The following CDCP1 variants were observed in gnomAD, a reference collection of about 807,000 sequenced individuals.
CDCP1 encodes CUB domain-containing protein 1.
Under a neutral mutation model 60.2 loss-of-function variants are expected in CDCP1, and 29 were observed. The observed-to-expected ratio is 0.48, with a 90% CI of 0.36 to 0.66. CDCP1 has a LOEUF of 0.66. Among genes scored for constraint, CDCP1 ranks in the 30% least tolerant of loss-of-function variants. CDCP1 has a pLI of 0.00. For synonymous variants in CDCP1, 387 were observed against 431.1 expected (o/e 0.90, Z 1.27); for missense variants, 876 against 1,074.3 (o/e 0.82, Z 2.58).
At chr3:45,124,382 A>G (rs778793983) in intron 1 of CDCP1, among the ~76,000 whole-genome samples, 3 of 152,066 alleles carry the variant, frequency 2.0e-5, no homozygotes, top group Non-Finnish European at 2.9e-5. Context: ...TGCCTGTGGG[A>G]CTCGGCTCTC....
At chr3:45,146,456 C>G (rs1176106846), upstream of CDCP1, 18 of 520,920 alleles carry the variant, frequency 3.5e-5, no homozygotes, top group South Asian at 4.7e-4. Flanking sequence ...CCCGGTGCGT[C>G]CCTCCTCTCT....
intron 1 of CDCP1, among the ~76,000 whole-genome samples, chr3:45,145,434 C>G (rs151280322): frequency 1.3e-5 from 2 of 152,356 alleles, no homozygotes; most frequent in African/African-American, 4.8e-5. Context: ...GCACAGGTCA[C>G]TGGGACGTGT....
intron 1 of CDCP1, among the ~76,000 whole-genome samples, chr3:45,132,825 C>T (rs569654938): frequency 1.2e-4 from 19 of 152,188 alleles, no homozygotes; most frequent in Admixed American, 3.9e-4. Context: ...CTCTGTGCCA[C>T]GGCACCCAGT....
chr3:45,124,823 G>C (rs1698949164), intron 1 of CDCP1, among the ~76,000 whole-genome samples: 1 of 152,186 alleles, frequency 6.6e-6, no homozygotes, highest in Non-Finnish European at 1.5e-5. Flanking sequence ...AGATTGGCAA[G>C]TTTATACCCT....
At chr3:45,109,591 G>C (rs551069794) in intron 4 of CDCP1, among the ~76,000 whole-genome samples, 19 of 152,198 alleles carry the variant, frequency 1.2e-4, no homozygotes, top group African/African-American at 4.6e-4. Context: ...GCCAGTCTGA[G>C]TTAATTTTGT....
chr3:45,124,033 G>A (rs1468659890), intron 1 of CDCP1, among the ~76,000 whole-genome samples: 11 of 152,248 alleles, frequency 7.2e-5, no homozygotes, highest in African/African-American at 2.6e-4. Context: ...CTCCTTATTA[G>A]GACACCTTTG....
intron 4 of CDCP1, 49 bp downstream of exon 4, chr3:45,110,424 C>G (rs536365732): frequency 6.3e-7 from 1 of 1,595,214 alleles, no homozygotes; most frequent in African/African-American, 1.3e-5. Flanking sequence ...ACCCAGGAAA[C>G]AACGAAGGTG....
chr3:45,120,268 GC>G (rs10718489), intron 1 of CDCP1, among the ~76,000 whole-genome samples: 28,519 of 151,994 alleles, frequency 0.19, 2,817 homozygotes, highest in Middle Eastern at 0.27. Context: ...CTTTTCTTGT[GC>G]CTCTCTCTCC....
intron 1 of CDCP1, among the ~76,000 whole-genome samples, chr3:45,129,576 C>T (rs1404759504): frequency 1.3e-5 from 2 of 152,092 alleles, no homozygotes; most frequent in Non-Finnish European, 2.9e-5. Flanking sequence ...GTGTGAGTCA[C>T]GAGGACCATG....
At position 45,091,198 on chromosome 3, in the gene CDCP1, C is replaced by T. The variant is rs112208705; in HGVS notation, c.1968G>A (p.Ser656=). The change falls in exon 7 of 9, where the codon TCG becomes TCA. Residue 656 remains serine, a synonymous_variant. Transcript: ENST00000296129. The surrounding 1 kb of genome is among the most constrained non-coding windows in gnomAD (Gnocchi z 4.8). ...CCACAGTCCTTGGGGTAAGTGTCAC[C>T]GAGAAGAGCAGGTCTAGCTGCTTGC... ...TSGKQLDLLF[S]VTLTPRTVDL... The T allele has an allele frequency of 4.3e-5, 69 of 1,613,452 alleles. No individual in the cohort carries two copies. The highest frequency in any genetic ancestry group is 4.1e-4 in the African/African-American group (31 of 74,980).
At chr3:45,122,997 G>A (rs1376849085) in intron 1 of CDCP1, among the ~76,000 whole-genome samples, 1 of 108,198 alleles carries the variant, frequency 9.2e-6, no homozygotes, top group Non-Finnish European at 2.1e-5. Flanking sequence ...ATGCTGAGAC[G>A]TAGGGATTTT....
intron 1 of CDCP1, among the ~76,000 whole-genome samples, chr3:45,137,313 T>C (rs1370661863): frequency 2.0e-5 from 3 of 152,170 alleles, no homozygotes; most frequent in Admixed American, 6.5e-5. Context: ...TTCCAGTCTC[T>C]AGCAACTAGG....
intron 4 of CDCP1, among the ~76,000 whole-genome samples, chr3:45,105,022 T>C (rs925226419): frequency 3.3e-5 from 5 of 152,234 alleles, no homozygotes; most frequent in African/African-American, 1.2e-4. Context: ...CACTCCAGCC[T>C]GGGCAACAAG....
Position 45,091,165 on chromosome 3 carries a change from G to A in CDCP1, c.1993+8C>T. Reference sequence around the variant, plus strand: ...ATCACTGTCCCCAAAGACCCTGAAGGCCCTTACCCACAGTCCTTGGGGTAA... The same window carrying A: ...ATCACTGTCCCCAAAGACCCTGAAGACCCTTACCCACAGTCCTTGGGGTAA... On this transcript the variant is annotated splice_region_variant and intron_variant, in intron 7 of 8. Transcript: ENST00000296129. This position sits in a 1 kb window ranked among gnomAD's most constrained non-coding sequence, Gnocchi z 4.8. 1 of 1,603,870 alleles carries A rather than the reference G, an allele frequency of 6.2e-7. No individual in the cohort carries two copies. Among genetic ancestry groups the A allele is most frequent in the Non-Finnish European group, 8.5e-7 (1 of 1,173,102 alleles).
chr3:45,109,762 T>C (rs537779430), intron 4 of CDCP1, among the ~76,000 whole-genome samples: 4 of 152,124 alleles, frequency 2.6e-5, no homozygotes, highest in Non-Finnish European at 5.9e-5. Flanking sequence ...TATTGCACCC[T>C]GGGCACTTTG....
At chr3:45,089,278 G>A in intron 7 of CDCP1, 137 bp from the exon 8 acceptor site, 1 of 666,528 alleles carries the variant, frequency 1.5e-6, no homozygotes, top group South Asian at 1.7e-5. Context: ...TGTGCACATG[G>A]GGCTCCTCAT....
At chr3:45,146,479 T>C (rs1699395814), upstream of CDCP1, 1 of 476,880 alleles carries the variant, frequency 2.1e-6, no homozygotes, top group South Asian at 3.7e-5. Flanking sequence ...CCTCCTCCTC[T>C]TCCTGCCTCA....
chr3:45,110,092 C>T, intron 4 of CDCP1: 2 of 554,944 alleles, frequency 3.6e-6, no homozygotes, highest in Non-Finnish European at 4.9e-6. Context: ...AGTATGTGTC[C>T]ATAGTAGGGG....
intron 4 of CDCP1, among the ~76,000 whole-genome samples, chr3:45,097,725 T>C (rs1205735362): frequency 6.6e-6 from 1 of 152,214 alleles, no homozygotes; most frequent in African/African-American, 2.4e-5. Flanking sequence ...TTGAACTGGC[T>C]GCAGGGAAGC....
Sources: allele counts gnomAD v4.1 joint callset (sites outside exome capture counted in the v4.1 genomes callset), GRCh38; gene constraint gnomAD v4.1.1; non-coding constraint Gnocchi (gnomAD v3.1); transcripts MANE v1.5; gene names NCBI Gene and HGNC (gene_info 2026-07-23, HGNC 2026-07-21).